HDAC8: variants seen among roughly 807,000 people sequenced by gnomAD.
HDAC8 encodes histone deacetylase 8.
In HDAC8, 1 loss-of-function variant was observed where a neutral mutation model predicts 32.2. The ratio of observed to expected loss-of-function variants is 0.03; its 90% CI spans 0.01 to 0.15. The LOEUF (loss-of-function observed/expected upper bound fraction) is 0.15. Among genes scored for constraint, HDAC8 ranks in the 10% least tolerant of loss-of-function variants. The pLI is 1.00. For missense variants in HDAC8, 117 were observed against 300.0 expected, an observed-to-expected ratio of 0.39 and a Z score of 4.51; for synonymous variants, 108 against 113.9, an observed-to-expected ratio of 0.95 and a Z score of 0.33.
chrX:72,434,709 T>C (rs1003525367), intron 9 of HDAC8, among the ~76,000 whole-genome samples: 3 of 111,790 alleles, frequency 2.7e-5, no homozygotes, highest in Non-Finnish European at 5.6e-5. Context: ...GGCTGTGATA[T>C]TTTTACCAAT....
chrX:72,453,148 GA>G (rs34701303), intron 9 of HDAC8, among the ~76,000 whole-genome samples: 1,927 of 90,899 alleles, frequency 0.021, 24 homozygotes, highest in African/African-American at 0.052. Flanking sequence ...ATAAAAGACT[GA>G]AAAAAAAAAA....
intron 9 of HDAC8, among the ~76,000 whole-genome samples, chrX:72,432,783 T>C (rs1555977892): frequency 9.0e-6 from 1 of 110,531 alleles, no homozygotes; most frequent in Non-Finnish European, 1.9e-5. Flanking sequence ...ATAAGTTCCA[T>C]GGCATGGGGA....
chrX:72,457,345 C>CT (rs782415643), intron 9 of HDAC8, among the ~76,000 whole-genome samples: 190 of 112,029 alleles, frequency 1.7e-3, no homozygotes, highest in Non-Finnish European at 3.2e-3. Flanking sequence ...CAGCATTGCA[C>CT]TGGAGGTCCC....
chrX:72,348,578 T>C (rs1405648004), intron 10 of HDAC8, among the ~76,000 whole-genome samples: 1 of 112,342 alleles, frequency 8.9e-6, no homozygotes, highest in Non-Finnish European at 1.9e-5. Flanking sequence ...AATTTCTCTT[T>C]GGTTCTGAGC....
intron 7 of HDAC8, among the ~76,000 whole-genome samples, chrX:72,475,385 G>A (rs2048302632): frequency 8.9e-6 from 1 of 112,065 alleles, no homozygotes; most frequent in African/African-American, 3.2e-5. Context: ...TTGAGAGGCA[G>A]ACTGTGTTAA....
chrX:72,398,480 C>T (rs1356145173), intron 9 of HDAC8, among the ~76,000 whole-genome samples: 1 of 109,992 alleles, frequency 9.1e-6, no homozygotes, highest in African/African-American at 3.3e-5. Flanking sequence ...CATGAGCCAC[C>T]ATGTCCTGAT....
chrX:72,530,444 GTTTT>G (rs1232261962), intron 4 of HDAC8, among the ~76,000 whole-genome samples: 1 of 80,178 alleles, frequency 1.2e-5, no homozygotes. Context: ...TATTTTATGC[GTTTT>G]TTTTTTTTTT....
intron 7 of HDAC8, among the ~76,000 whole-genome samples, chrX:72,481,018 T>G (rs1556002792): frequency 9.2e-6 from 1 of 109,015 alleles, no homozygotes; most frequent in African/African-American, 3.4e-5. Context: ...CATATATAAC[T>G]ATGTAACAAA....
intron 9 of HDAC8, among the ~76,000 whole-genome samples, chrX:72,380,521 A>G (rs1377018289): frequency 1.8e-5 from 2 of 111,983 alleles, no homozygotes; most frequent in African/African-American, 6.5e-5. Context: ...TACCATTTCT[A>G]CTTGTTTTTG....
intron 7 of HDAC8, among the ~76,000 whole-genome samples, chrX:72,478,871 G>T (rs1255757024): frequency 9.1e-6 from 1 of 109,846 alleles, no homozygotes; most frequent in Non-Finnish European, 1.9e-5. Flanking sequence ...TGGCCAGGCT[G>T]GTTTTGAACT....
At chrX:72,519,347 A>C (rs900761499) in intron 4 of HDAC8, among the ~76,000 whole-genome samples, 5 of 111,690 alleles carry the variant, frequency 4.5e-5, no homozygotes, top group African/African-American at 9.8e-5. Flanking sequence ...ATATATGATA[A>C]ATTTATGTTT....
chrX:72,402,470 T>C (rs2147877211), intron 9 of HDAC8, among the ~76,000 whole-genome samples: 1 of 109,440 alleles, frequency 9.1e-6, no homozygotes, highest in Non-Finnish European at 1.9e-5. Flanking sequence ...GAGATTTTTC[T>C]TTGTTTTAAC....
At chrX:72,563,916 C>T (rs185448957) in intron 4 of HDAC8, among the ~76,000 whole-genome samples, 2 of 111,437 alleles carry the variant, frequency 1.8e-5, no homozygotes, top group Non-Finnish European at 3.8e-5. Flanking sequence ...AATCCCAGCA[C>T]CTTGGGAGGC....
At chrX:72,529,407 AG>A (rs1262459576) in intron 4 of HDAC8, among the ~76,000 whole-genome samples, 2 of 111,770 alleles carry the variant, frequency 1.8e-5, no homozygotes, top group Non-Finnish European at 3.8e-5. Context: ...CATAAGAGAG[AG>A]AAAAGAAGCT....
chrX:72,456,394 A>G (rs1445205616), intron 9 of HDAC8, among the ~76,000 whole-genome samples: 1 of 112,146 alleles, frequency 8.9e-6, no homozygotes, highest in African/African-American at 3.2e-5. Flanking sequence ...TATGACTACA[A>G]TAGCACAAAG....
At chrX:72,457,347 G>A (rs1025721181) in intron 9 of HDAC8, among the ~76,000 whole-genome samples, 8 of 111,997 alleles carry the variant, frequency 7.1e-5, no homozygotes, top group African/African-American at 2.3e-4. Flanking sequence ...GCATTGCACT[G>A]GAGGTCCCAA....
intron 9 of HDAC8, among the ~76,000 whole-genome samples, chrX:72,426,124 GCT>G (rs1555975353): frequency 8.9e-6 from 1 of 112,230 alleles, no homozygotes; most frequent in African/African-American, 3.2e-5. Flanking sequence ...ATTTAAGACA[GCT>G]CTCTCTTTCC....
chrX:72,559,763 C>T (rs1425564725), intron 4 of HDAC8, among the ~76,000 whole-genome samples: 3 of 109,295 alleles, frequency 2.7e-5, no homozygotes, highest in African/African-American at 6.7e-5. Flanking sequence ...CCGGCCGCCC[C>T]GTCTGAGAAG....
chrX:72,474,735 G>A (rs782439556), intron 7 of HDAC8: 2 of 1,107,525 alleles, frequency 1.8e-6, no homozygotes, highest in South Asian at 3.9e-5. Flanking sequence ...CGTACCTGAG[G>A]AGGATAAAAG....
Sources: allele counts gnomAD v4.1 joint callset (sites outside exome capture counted in the v4.1 genomes callset), GRCh38; gene constraint gnomAD v4.1.1; transcripts MANE v1.5; gene names NCBI Gene and HGNC (gene_info 2026-07-23, HGNC 2026-07-21).